PTPRM: variants seen among roughly 807,000 people sequenced by gnomAD.
PTPRM encodes protein tyrosine phosphatase receptor type M.
A neutral mutation model predicts 186.7 loss-of-function variants in PTPRM; 47 were observed. The observed-to-expected ratio is 0.25, with a 90% CI of 0.20 to 0.32. The LOEUF is 0.32. Among genes scored for constraint, PTPRM ranks in the 10% least tolerant of loss-of-function variants. The pLI is 1.00. For missense variants in PTPRM, 1,494 were observed against 1,865.0 expected, an observed-to-expected ratio of 0.80 and a Z score of 3.66; for synonymous variants, 668 against 674.9, an observed-to-expected ratio of 0.99 and a Z score of 0.16.
intron 7 of PTPRM, among the ~76,000 whole-genome samples, chr18:8,016,668 A>G (rs1464736874): frequency 6.6e-6 from 1 of 152,240 alleles, no homozygotes; most frequent in Non-Finnish European, 1.5e-5. Context: ...CAAAGCAGAA[A>G]GTAAGTGTGT....
intron 1 of PTPRM, among the ~76,000 whole-genome samples, chr18:7,641,662 C>G (rs998865650): frequency 6.6e-6 from 1 of 152,106 alleles, no homozygotes; most frequent in African/African-American, 2.4e-5. Context: ...TGATATGATA[C>G]TGAGAAAATA....
At chr18:8,072,517 C>T (rs616698) in intron 8 of PTPRM, among the ~76,000 whole-genome samples, 95,111 of 151,874 alleles carry the variant, frequency 0.63, 29,935 homozygotes, top group African/African-American at 0.67. Flanking sequence ...TTTGTAACCC[C>T]TCCAAAAAAA....
chr18:7,568,035 T>G lies in PTPRM; in HGVS notation c.73+144T>G, dbSNP rs912152262. 2.0e-5 allele frequency: 15 copies of G among 763,558 alleles called. No individual in the cohort carries two copies. Among genetic ancestry groups the G allele is most frequent in the African/African-American group, 3.8e-5 (2 of 53,086 alleles). 47.3% of individuals were successfully genotyped at this position (763,558 alleles called of 1,614,324 possible). ...CGGCGGGCCGGACACCGCTTCTGCCTGTGAGCCGGGCGCTGGGCGAGGGGC... is the reference window on the plus strand; with the variant it reads ...CGGCGGGCCGGACACCGCTTCTGCCGGTGAGCCGGGCGCTGGGCGAGGGGC... On this transcript the variant is annotated intron_variant, in intron 1 of 32. Transcript: ENST00000580170. The surrounding 1 kb of genome is among the most constrained non-coding windows in gnomAD (Gnocchi z 5.1).
chr18:8,258,878 A>T (rs2094599861), intron 19 of PTPRM, among the ~76,000 whole-genome samples: 1 of 152,010 alleles, frequency 6.6e-6, no homozygotes, highest in African/African-American at 2.4e-5. Flanking sequence ...AAAAAAAAAA[A>T]GTGTGTGTGT....
At chr18:7,858,964 A>G (rs1055274209) in intron 2 of PTPRM, among the ~76,000 whole-genome samples, 2 of 152,226 alleles carry the variant, frequency 1.3e-5, no homozygotes, top group East Asian at 1.9e-4. Context: ...GAGTGTCTAA[A>G]AAATAGTGCA....
chr18:7,982,573 A>T (rs916638375), intron 7 of PTPRM, among the ~76,000 whole-genome samples: 17 of 152,018 alleles, frequency 1.1e-4, no homozygotes, highest in Non-Finnish European at 1.9e-4. Context: ...TTAAAAAAGT[A>T]TATTATAGTA....
intron 13 of PTPRM, among the ~76,000 whole-genome samples, chr18:8,115,329 G>A (rs1272212382): frequency 6.6e-6 from 1 of 152,132 alleles, no homozygotes; most frequent in Non-Finnish European, 1.5e-5. Context: ...TTGCTGTGGA[G>A]CATCTATTTC....
intron 7 of PTPRM, among the ~76,000 whole-genome samples, chr18:8,049,863 C>T (rs1037221968): frequency 1.3e-5 from 2 of 151,854 alleles, no homozygotes; most frequent in African/African-American, 2.4e-5. Flanking sequence ...AGGCACACAC[C>T]GCCACACCCA....
intron 13 of PTPRM, among the ~76,000 whole-genome samples, chr18:8,121,471 T>C (rs1368238110): frequency 6.6e-6 from 1 of 152,202 alleles, no homozygotes; most frequent in Admixed American, 6.5e-5. Context: ...GTGTCATTAA[T>C]GTTAACCACT....
intron 7 of PTPRM, among the ~76,000 whole-genome samples, chr18:8,063,231 C>T (rs2088751336): frequency 6.6e-6 from 1 of 151,164 alleles, no homozygotes; most frequent in Non-Finnish European, 1.5e-5. Flanking sequence ...CCAGGTGCGC[C>T]CGTCACCCCT....
rs2095414185 is a variant in PTPRM at position 8,331,912 on chromosome 18, G to A, written c.2957-11511G>A. 2.6e-5 allele frequency among the ~76,000 whole-genome samples: 4 copies of A among 152,346 alleles called. No individual in the cohort carries two copies. In the South Asian group the frequency reaches 8.3e-4, roughly 32 times the overall value. On this transcript the variant is annotated intron_variant, in intron 22 of 32. Coordinates refer to ENST00000580170, the MANE Select transcript of PTPRM (RefSeq NM_001105244.2). Reference sequence around the variant, plus strand: ...GCCTTGATAGCAGCGCCAGCTCCACGTCTTGGTGTTCTGAAGGCTTCCCTG... The same window carrying A: ...GCCTTGATAGCAGCGCCAGCTCCACATCTTGGTGTTCTGAAGGCTTCCCTG...
intron 1 of PTPRM, among the ~76,000 whole-genome samples, chr18:7,700,652 C>A (rs1463317885): frequency 6.6e-6 from 1 of 152,078 alleles, no homozygotes; most frequent in African/African-American, 2.4e-5. Flanking sequence ...AAGAATGCCT[C>A]CCAGGCGCCT....
intron 14 of PTPRM, among the ~76,000 whole-genome samples, chr18:8,226,227 G>GA (rs2094211871): frequency 1.3e-5 from 2 of 151,964 alleles, no homozygotes; most frequent in Admixed American, 1.3e-4. Flanking sequence ...TTTTGAAAAA[G>GA]CAATCCCTTC....
chr18:8,098,947 G>C (rs1409431348), intron 11 of PTPRM, among the ~76,000 whole-genome samples: 6 of 152,102 alleles, frequency 3.9e-5, no homozygotes, highest in Non-Finnish European at 8.8e-5. Context: ...TAATGGGGAA[G>C]CCTCTGGCTT....
At chr18:8,300,295 G>A (rs759611347) in intron 20 of PTPRM, among the ~76,000 whole-genome samples, 19 of 152,142 alleles carry the variant, frequency 1.2e-4, no homozygotes, top group African/African-American at 2.2e-4. Context: ...ACAGTTTGGA[G>A]TCCTTGTCCT....
rs527532788 is a variant in PTPRM, at chr18:8,145,772, G to A, written c.2300+1993G>A. 8.9e-4 allele frequency among the ~76,000 whole-genome samples: 136 copies of A among 152,216 alleles called. 2 individuals are homozygous for A. Among genetic ancestry groups the A allele is most frequent in the Non-Finnish European group, 1.4e-3 (96 of 68,022 alleles). On this transcript the variant is annotated intron_variant, in intron 14 of 32. Transcript: ENST00000580170. ...GTTGGTTCCAAGTCTTTGCTATTGCGAATAGTGCCACGATAAACATACCTA... is the reference window on the plus strand; with the variant it reads ...GTTGGTTCCAAGTCTTTGCTATTGCAAATAGTGCCACGATAAACATACCTA...
chr18:8,083,354 T>C (rs1483258995), intron 9 of PTPRM, among the ~76,000 whole-genome samples: 1 of 152,112 alleles, frequency 6.6e-6, no homozygotes, highest in Non-Finnish European at 1.5e-5. Context: ...CGACCTCCTT[T>C]CTGTTCATAT....
intron 13 of PTPRM, among the ~76,000 whole-genome samples, chr18:8,125,976 CATATATATATATATATAT>C (rs1178603481): frequency 0.012 from 736 of 59,722 alleles, 36 homozygotes; most frequent in African/African-American, 0.021. Context: ...TGTGTGTATA[CATATATATATATATATAT>C]ATATATATAT....
intron 1 of PTPRM, among the ~76,000 whole-genome samples, chr18:7,751,865 T>C (rs975639040): frequency 1.3e-5 from 2 of 152,228 alleles, no homozygotes; most frequent in African/African-American, 4.8e-5. Context: ...CTCTAGCTAA[T>C]AGAAAATGCT....
Sources: gnomAD v4.1 joint callset for allele counts (sites outside exome capture counted in the v4.1 genomes callset) on GRCh38, gnomAD v4.1.1 for gene constraint, Gnocchi (gnomAD v3.1) non-coding constraint, MANE v1.5 for transcripts, NCBI Gene and HGNC (gene_info 2026-07-23, HGNC 2026-07-21) for gene names.